Variants in SUPT3H observed in about 807,000 individuals in gnomAD.
The protein encoded by SUPT3H is SPT3 homolog, SAGA and STAGA complex component.
A neutral mutation model predicts 44.3 loss-of-function variants in SUPT3H; 44 were observed. The observed-to-expected ratio is 0.99, with a 90% CI of 0.78 to 1.28. The LOEUF is 1.28. SUPT3H is among the 50% of genes most tolerant of loss of function. SUPT3H has a pLI of 0.00. For missense variants in SUPT3H, 380 were observed against 387.1 expected (o/e 0.98, Z 0.15); for synonymous variants, 124 against 125.6 (o/e 0.99, Z 0.09).
intron 2 of SUPT3H, among the ~76,000 whole-genome samples, chr6:45,143,947 G>A (rs1164729266): frequency 6.6e-6 from 1 of 152,028 alleles, no homozygotes; most frequent in African/African-American, 2.4e-5. Context: ...AAAATCTAGA[G>A]AGACGGAAAA....
intron 2 of SUPT3H, among the ~76,000 whole-genome samples, chr6:45,152,584 C>T (rs945813740): frequency 2.0e-5 from 3 of 152,090 alleles, no homozygotes; most frequent in Non-Finnish European, 2.9e-5. Context: ...CTGTGCCTCC[C>T]GGGTTCAAGT....
intron 11 of SUPT3H, among the ~76,000 whole-genome samples, chr6:44,819,262 C>T (rs1364402208): frequency 6.6e-6 from 1 of 151,912 alleles, no homozygotes; most frequent in Non-Finnish European, 1.5e-5. Context: ...TTTAATATGC[C>T]ATTCTGGAAA....
At chr6:45,313,808 C>T (rs889624175) in intron 2 of SUPT3H, among the ~76,000 whole-genome samples, 4 of 152,062 alleles carry the variant, frequency 2.6e-5, no homozygotes, top group African/African-American at 7.2e-5. Flanking sequence ...CAGCGTCACC[C>T]TAATAACAAA....
At position 44,889,852 on chromosome 6, in the gene SUPT3H, C is replaced by A. The variant is rs568649256; in HGVS notation, c.912+42801G>T. On this transcript the variant is annotated intron_variant, in intron 10 of 10. Transcript: ENST00000371459. Reference sequence around the variant, plus strand: ...CCTACAAAATGGGAGAAAATTTTCGCAACCTACTTATCTGACAAAGGGCTA... The same window carrying A: ...CCTACAAAATGGGAGAAAATTTTCGAAACCTACTTATCTGACAAAGGGCTA... 1.6e-3 allele frequency among the ~76,000 whole-genome samples: 247 copies of A among 152,158 alleles called. 2 individuals carry two copies. Among genetic ancestry groups the A allele is most frequent in the African/African-American group, 5.5e-3 (230 of 41,528 alleles).
At chr6:44,847,068 T>C (rs1352155641) in intron 10 of SUPT3H, among the ~76,000 whole-genome samples, 2 of 152,234 alleles carry the variant, frequency 1.3e-5, no homozygotes, top group Non-Finnish European at 2.9e-5. Flanking sequence ...TTTTCAGTAA[T>C]TGATATTAAG....
chr6:45,171,260 A>T (rs569235358), intron 2 of SUPT3H, among the ~76,000 whole-genome samples: 1 of 152,336 alleles, frequency 6.6e-6, no homozygotes, highest in South Asian at 2.1e-4. Context: ...ATCAGAAGAT[A>T]CATAAAATCA....
At chr6:44,845,007 A>G (rs537166149) in intron 10 of SUPT3H, among the ~76,000 whole-genome samples, 2 of 152,332 alleles carry the variant, frequency 1.3e-5, no homozygotes, top group African/African-American at 4.8e-5. Flanking sequence ...GGACTTGAAC[A>G]GTACTAGAAA....
chr6:45,029,014 AG>A (rs1786494256), intron 3 of SUPT3H, among the ~76,000 whole-genome samples: 1 of 151,932 alleles, frequency 6.6e-6, no homozygotes, highest in Non-Finnish European at 1.5e-5. Context: ...AGTATTTGAA[AG>A]GAAATGTATT....
chr6:44,949,012 C>T (rs1471952352), intron 9 of SUPT3H, among the ~76,000 whole-genome samples: 1 of 152,128 alleles, frequency 6.6e-6, no homozygotes, highest in South Asian at 2.1e-4. Flanking sequence ...CAATGATAGA[C>T]TGGATTAAGA....
At chr6:44,939,464 T>G (rs1183609499) in intron 9 of SUPT3H, among the ~76,000 whole-genome samples, 1 of 152,120 alleles carries the variant, frequency 6.6e-6, no homozygotes, top group Non-Finnish European at 1.5e-5. Flanking sequence ...TTTGGTTTGT[T>G]AGTATTTTGT....
intron 10 of SUPT3H, among the ~76,000 whole-genome samples, chr6:44,896,309 A>T (rs1009738457): frequency 6.6e-5 from 10 of 152,170 alleles, no homozygotes; most frequent in Non-Finnish European, 8.8e-5. Flanking sequence ...CAAAATCATC[A>T]TCATCATTAT....
At chr6:44,973,697 T>C (rs1196194069) in intron 6 of SUPT3H, among the ~76,000 whole-genome samples, 2 of 152,184 alleles carry the variant, frequency 1.3e-5, no homozygotes, top group African/African-American at 4.8e-5. Context: ...TACCAGAGAT[T>C]GGGTAATTTA....
At chr6:45,180,308 A>T in intron 2 of SUPT3H, among the ~76,000 whole-genome samples, 1 of 147,852 alleles carries the variant, frequency 6.8e-6, no homozygotes, top group South Asian at 2.2e-4. Context: ...TAATTTATAG[A>T]TTCAATGCCA....
chr6:45,276,978 T>C (rs1402349837), intron 2 of SUPT3H, among the ~76,000 whole-genome samples: 1 of 152,192 alleles, frequency 6.6e-6, no homozygotes, highest in East Asian at 1.9e-4. Context: ...ATAAAACACA[T>C]TTCTATTTTC....
At chr6:45,310,847 C>G (rs1192066521) in intron 2 of SUPT3H, among the ~76,000 whole-genome samples, 1 of 152,176 alleles carries the variant, frequency 6.6e-6, no homozygotes, top group Non-Finnish European at 1.5e-5. Flanking sequence ...GAAATCAACC[C>G]TGGTAATATG....
chr6:45,297,778 G>A (rs1272525455), intron 2 of SUPT3H, among the ~76,000 whole-genome samples: 1 of 152,072 alleles, frequency 6.6e-6, no homozygotes, highest in African/African-American at 2.4e-5. Flanking sequence ...TCCCTATGCA[G>A]CCTATCACCC....
At chr6:45,019,950 T>A (rs577027913) in intron 4 of SUPT3H, among the ~76,000 whole-genome samples, 1 of 152,060 alleles carries the variant, frequency 6.6e-6, no homozygotes, top group South Asian at 2.1e-4. Context: ...TACCTACTCA[T>A]GAAAAATAAT....
chr6:45,076,908 CA>C lies in SUPT3H; in HGVS notation c.186+29013del, dbSNP rs370645840. ...TAAAAACACCAGCTGAAACTAGGCT[CA>C]AAACTTTAAATGGCTCTAAATTTCT... On this transcript the variant is annotated intron_variant, in intron 3 of 10. Transcript: ENST00000371459. Among the ~76,000 whole-genome samples, 392 of 152,264 alleles carry C rather than the reference CA, an allele frequency of 2.6e-3. 3 individuals are homozygous for C. Among genetic ancestry groups the C allele is most frequent in the African/African-American group, 8.6e-3 (358 of 41,554 alleles).
chr6:45,137,634 C>G (rs564092697), intron 2 of SUPT3H, among the ~76,000 whole-genome samples: 45 of 151,140 alleles, frequency 3.0e-4, no homozygotes, highest in African/African-American at 1.1e-3. Flanking sequence ...ATTCCTAGAA[C>G]CACAAAGAAA....
Sources: allele counts gnomAD v4.1 joint callset (sites outside exome capture counted in the v4.1 genomes callset), GRCh38; gene constraint gnomAD v4.1.1; transcripts MANE v1.5; gene names NCBI Gene and HGNC (gene_info 2026-07-23, HGNC 2026-07-21).